The following BRF1 variants were observed in gnomAD, a reference collection of about 807,000 sequenced individuals.
BRF1 encodes transcription factor IIIB 90 kDa subunit.
Under a neutral mutation model 81.7 loss-of-function variants are expected in BRF1, and 59 were observed. The ratio of observed to expected loss-of-function variants is 0.72; its 90% CI spans 0.59 to 0.90. BRF1 has a LOEUF of 0.90. Ranked by LOEUF, BRF1 falls within the 40% of genes least tolerant of loss-of-function variation. The pLI, the probability that BRF1 is intolerant of heterozygous loss-of-function variation, is 0.00. For missense variants in BRF1, 1,050 were observed against 936.3 expected (o/e 1.12, Z -1.58); for synonymous variants, 491 against 395.6 (o/e 1.24, Z -2.86).
intron 2 of BRF1, among the ~76,000 whole-genome samples, 156 bp downstream of exon 2, chr14:105,286,140 A>G (rs2057305711): frequency 6.6e-6 from 1 of 152,188 alleles, no homozygotes; most frequent in Non-Finnish European, 1.5e-5. Context: ...TCAGGGCACA[A>G]TTCCTCCTGG....
At chr14:105,259,272 T>G (rs1014844411) in intron 3 of BRF1, among the ~76,000 whole-genome samples, 1 of 152,052 alleles carries the variant, frequency 6.6e-6, no homozygotes, top group Admixed American at 6.6e-5. Context: ...AGTGAGACCC[T>G]GTTTCTACAA....
In BRF1 at chr14:105,272,817, TGAA is replaced by T. The variant is rs2056715825; in HGVS notation, c.340_342del (p.Phe114del). 1 of 1,613,912 alleles carries T rather than the reference TGAA, an allele frequency of 6.2e-7. No homozygotes were observed. Among genetic ancestry groups the T allele is most frequent in the African/African-American group, 1.3e-5 (1 of 74,900 alleles). The stretch of plus-strand genomic sequence containing the variant: ...GTCAGGTGCCTGCTCACGGCCATCT[TGAA>T]GAAGTTGAAGGCGGTGTCCAGGCAG... On this transcript the variant is annotated inframe_deletion, in exon 3 of 18. Coordinates refer to ENST00000547530, the MANE Select transcript of BRF1 (RefSeq NM_001519.4).
chr14:105,209,675 C>T lies in BRF1; in HGVS notation c.*876G>A. ...GATGGGGGGCCTGATCCAGCTCTGA[C>T]AGGGAGCGCCACTGCCCTCTGGCTC... On this transcript the variant is annotated 3_prime_UTR_variant, in exon 18 of 18. Coordinates refer to ENST00000547530, the MANE Select transcript of BRF1 (RefSeq NM_001519.4). 1.5e-6 allele frequency: 1 copy of T among 662,724 alleles called. No individual in the cohort carries two copies. Among genetic ancestry groups the T allele is most frequent in the Non-Finnish European group, 2.7e-6 (1 of 363,980 alleles). 41.1% of individuals were successfully genotyped at this position (662,724 alleles called of 1,614,324 possible).
intron 2 of BRF1, among the ~76,000 whole-genome samples, chr14:105,274,257 G>A (rs2140416366): frequency 6.6e-6 from 1 of 152,216 alleles, no homozygotes; most frequent in Non-Finnish European, 1.5e-5. Flanking sequence ...CTGCTCTCCT[G>A]CCGCATTCTT....
At chr14:105,219,955 C>G in intron 12 of BRF1, 114 bp downstream of exon 12, 1 of 1,126,592 alleles carries the variant, frequency 8.9e-7, no homozygotes, top group Non-Finnish European at 1.3e-6. Context: ...CTTCACCCAG[C>G]GGGGTGGGCT....
intron 6 of BRF1, among the ~76,000 whole-genome samples, 182 bp from the exon 7 acceptor site, chr14:105,229,095 C>G (rs587641577): frequency 3.9e-5 from 6 of 152,230 alleles, no homozygotes; most frequent in Admixed American, 2.0e-4. Context: ...CCCTCTCTAT[C>G]TTATTGTGGG....
intron 6 of BRF1, among the ~76,000 whole-genome samples, chr14:105,229,648 G>T (rs1326293807): frequency 1.3e-5 from 2 of 150,998 alleles, no homozygotes; most frequent in Admixed American, 6.6e-5. Flanking sequence ...GGGGGCGGGG[G>T]ACAGCCTGGC....
At chr14:105,261,979 C>G (rs891581700) in intron 3 of BRF1, among the ~76,000 whole-genome samples, 16 of 152,376 alleles carry the variant, frequency 1.1e-4, no homozygotes, top group Admixed American at 9.8e-4. Flanking sequence ...GCCAACACCA[C>G]CTGGCACGGG....
rs2056655860 is a variant in BRF1 at position 105,271,514 on chromosome 14, A to G, written c.439+1207T>C. Among the ~76,000 whole-genome samples the G allele has an allele frequency of 6.6e-6, 1 of 152,204 alleles. No homozygotes were observed. Among genetic ancestry groups the G allele is most frequent in the Non-Finnish European group, 1.5e-5 (1 of 68,022 alleles). On this transcript the variant is annotated intron_variant, in intron 3 of 17. Transcript: ENST00000547530. The surrounding 1 kb of genome is among the most constrained non-coding windows in gnomAD (Gnocchi z 5.5). The stretch of plus-strand genomic sequence containing the variant: ...AGGGGGACCACCTTCAGAGGGGCGC[A>G]GCTCGGAAAAGGTCCCTCTCCCAGG...
At chr14:105,248,208 G>C (rs2055258221) in intron 5 of BRF1, 1 of 985,506 alleles carries the variant, frequency 1.0e-6, no homozygotes. Context: ...AAATCGCGAA[G>C]CATCTGAACG....
intron 12 of BRF1, 21 bp from the exon 13 acceptor site, chr14:105,219,253 G>A (rs1891845710): frequency 1.2e-6 from 2 of 1,608,282 alleles, no homozygotes; most frequent in Non-Finnish European, 1.7e-6. Context: ...ACAGGGAAGT[G>A]GGGCTGGCTT....
At chr14:105,225,742 G>A (rs1298357412) in intron 10 of BRF1, among the ~76,000 whole-genome samples, 8 of 152,028 alleles carry the variant, frequency 5.3e-5, no homozygotes, top group Admixed American at 3.3e-4. Context: ...CCACTTCCCA[G>A]GTTCAAATGA....
chr14:105,304,951 T>A (rs956035570), upstream of BRF1, among the ~76,000 whole-genome samples: 1 of 152,218 alleles, frequency 6.6e-6, no homozygotes, highest in Non-Finnish European at 1.5e-5. Flanking sequence ...CAAGATGAGA[T>A]CTGGGTGGGT....
rs749258987 is a variant in BRF1, at chr14:105,286,372, A to G, written c.189T>C (p.Ala63=). Residue 63 remains alanine (A), a synonymous_variant, in exon 2 of 18, where the codon GCT becomes GCC. Coordinates refer to ENST00000547530, the MANE Select transcript of BRF1 (RefSeq NM_001519.4). The part of the protein sequence containing the change: ...AVGQFVSLDG[A]GKTPTLGGGF... ...CGCCACCCAGAGTCGGGGTTTTGCCAGCACCTGGAAACACAAAAAAAGACA... is the reference window on the plus strand; with the variant it reads ...CGCCACCCAGAGTCGGGGTTTTGCCGGCACCTGGAAACACAAAAAAAGACA... 2 of 1,612,724 alleles carry G rather than the reference A, an allele frequency of 1.2e-6. No homozygotes were observed. Among genetic ancestry groups the G allele is most frequent in the East Asian group, 2.2e-5 (1 of 44,884 alleles).
At chr14:105,256,100 G>T in intron 4 of BRF1, 1 of 1,172,676 alleles carries the variant, frequency 8.5e-7, no homozygotes, top group Non-Finnish European at 1.1e-6. Flanking sequence ...ACTCCAGCCT[G>T]GGTGACAGAG....
intron 5 of BRF1, chr14:105,249,564 TGG>T: frequency 6.3e-7 from 1 of 1,588,724 alleles, no homozygotes. Context: ...CAGGAGCTGA[TGG>T]ACTCCTCTCC....
At position 105,219,877 on chromosome 14, in the gene BRF1, G is replaced by C. The variant is rs994880748; in HGVS notation, c.1377+192C>G. ...AGGGGCCTCTCGACAGGCCGCCCCC[G>C]AGCCGACACTGGAGAAGAGAGTGTG... On this transcript the variant is annotated intron_variant, in intron 12 of 17. Transcript: ENST00000547530. The C allele has an allele frequency of 7.8e-6, 5 of 644,756 alleles. No individual in the cohort carries two copies. The East Asian group carries it at 1.4e-4, about 18-fold the overall frequency. 39.9% of individuals were successfully genotyped at this position (644,756 alleles called of 1,614,324 possible). A position where few individuals can be genotyped will look rare whatever the true frequency, so the allele number is the denominator to read the frequency against.
At chr14:105,254,423 AT>A (rs1271694446) in intron 4 of BRF1, among the ~76,000 whole-genome samples, 1 of 151,716 alleles carries the variant, frequency 6.6e-6, no homozygotes. Flanking sequence ...CGCCCAGCTA[AT>A]TTTTTTGTGT....
intron 10 of BRF1, among the ~76,000 whole-genome samples, chr14:105,224,964 T>A (rs1028864241): frequency 2.6e-5 from 4 of 152,190 alleles, no homozygotes; most frequent in African/African-American, 9.6e-5. Flanking sequence ...AAGCACCTGA[T>A]CCCCAGAGAG....
Sources: gnomAD v4.1 joint callset for allele counts (sites outside exome capture counted in the v4.1 genomes callset) on GRCh38, gnomAD v4.1.1 for gene constraint, Gnocchi (gnomAD v3.1) non-coding constraint, MANE v1.5 for transcripts, NCBI Gene and HGNC (gene_info 2026-07-23, HGNC 2026-07-21) for gene names.